The following PUM1 variants were observed in gnomAD, a reference collection of about 807,000 sequenced individuals.
The protein encoded by PUM1 is pumilio homolog 1.
In PUM1, 13 loss-of-function variants were observed where a neutral mutation model predicts 131.8. The observed-to-expected ratio is 0.10, with a 90% CI of 0.06 to 0.16. PUM1 has a LOEUF of 0.16. Among genes scored for constraint, PUM1 ranks in the 10% least tolerant of loss-of-function variants. The probability of loss-of-function intolerance (pLI) is 1.00; values close to 1 mark genes in which losing one functional copy is unlikely to be tolerated. For synonymous variants in PUM1, 509 were observed against 556.5 expected (o/e 0.91, Z 1.20); for missense variants, 961 against 1,512.4 (o/e 0.64, Z 6.05).
At position 31,006,024 on chromosome 1, in the gene PUM1, T is replaced by C; in HGVS notation, c.549A>G (p.Ser183=). ...RDSAWGTSDH[S]VSQPIMVQRR... is the part of the protein sequence containing the mutation. ...TCTGCACCATGATTGGCTGGGAAAC[T>C]GAATGATCTACAAAAAAGATACACA... Residue 183 remains serine, a synonymous_variant, in exon 5 of 22, where the codon TCA becomes TCG. Transcript: ENST00000426105. The C allele has an allele frequency of 6.3e-7, 1 of 1,599,860 alleles. No homozygotes were observed. The highest frequency in any genetic ancestry group is 8.5e-7 in the Non-Finnish European group (1 of 1,174,518).
chr1:31,005,817 G>C, intron 5 of PUM1, 36 bp downstream of exon 5: 6 of 1,494,974 alleles, frequency 4.0e-6, no homozygotes, highest in East Asian at 2.3e-5. Context: ...GAGAGAGAGA[G>C]AGAGAGATAG....
chr1:31,058,670 A>C (rs1172123769), intron 2 of PUM1, among the ~76,000 whole-genome samples: 1 of 134,982 alleles, frequency 7.4e-6, no homozygotes, highest in African/African-American at 3.0e-5. Flanking sequence ...TTAAAAAAAA[A>C]AAAAAATGCA....
intron 21 of PUM1, 86 bp from the exon 22 acceptor site, chr1:30,933,428 TCACACACACATA>T (rs1639040753): frequency 7.4e-6 from 7 of 950,652 alleles, no homozygotes; most frequent in African/African-American, 3.7e-5. Context: ...ATGTCATGCA[TCACACACACATA>T]CACACACACA....
At chr1:30,939,176 C>T (rs1304737183) in intron 20 of PUM1, among the ~76,000 whole-genome samples, 4 of 152,142 alleles carry the variant, frequency 2.6e-5, no homozygotes, top group South Asian at 2.1e-4. Context: ...ATAGACACTG[C>T]GAATAACAGG....
chr1:30,946,524 C>A (rs907895768), intron 17 of PUM1, among the ~76,000 whole-genome samples: 3 of 151,236 alleles, frequency 2.0e-5, no homozygotes, highest in Non-Finnish European at 2.9e-5. Context: ...GTAATCTCAG[C>A]TACTCGGGAG....
At chr1:31,038,501 A>G (rs1557598842) in intron 2 of PUM1, among the ~76,000 whole-genome samples, 1 of 152,128 alleles carries the variant, frequency 6.6e-6, no homozygotes, top group Admixed American at 6.5e-5. Context: ...TGCTATGGTG[A>G]TTTGTCTTAT....
At position 31,063,129 on chromosome 1, in the gene PUM1, A is replaced by G. The variant is rs573373445; in HGVS notation, c.-12+2487T>C. 3.9e-5 allele frequency among the ~76,000 whole-genome samples: 6 copies of G among 152,276 alleles called. No individual in the cohort carries two copies. The East Asian group carries it at 1.2e-3, about 29-fold the overall frequency. On this transcript the variant is annotated intron_variant, in intron 1 of 21. Coordinates refer to ENST00000426105, the MANE Select transcript of PUM1 (RefSeq NM_001020658.2). ...AATTCATTACTCTCTTAGTACTAATACTAGACAGTCCCATTCTGTTCTAAA... is the reference window on the plus strand; with the variant it reads ...AATTCATTACTCTCTTAGTACTAATGCTAGACAGTCCCATTCTGTTCTAAA...
intron 3 of PUM1, among the ~76,000 whole-genome samples, chr1:31,014,465 C>G (rs893162974): frequency 5.3e-5 from 8 of 151,046 alleles, no homozygotes; most frequent in Admixed American, 1.3e-4. Context: ...CATGCCAAGA[C>G]CCAATCTCTA....
chr1:31,034,843 A>ACTAAAAGAGAT (rs1643550704), intron 2 of PUM1, among the ~76,000 whole-genome samples: 1 of 152,160 alleles, frequency 6.6e-6, no homozygotes, highest in Admixed American at 6.5e-5. Context: ...GTTCCATTTC[A>ACTAAAAGAGAT]CTAAAAGAGA....
At chr1:30,964,977 T>C in intron 13 of PUM1, 67 bp from the exon 14 acceptor site, 1 of 1,336,162 alleles carries the variant, frequency 7.5e-7, no homozygotes, top group African/African-American at 1.4e-5. Flanking sequence ...CCCAGTGACC[T>C]GTTCCTAACA....
At position 30,995,038 on chromosome 1, in the gene PUM1, T is replaced by C. The variant is rs1641931717; in HGVS notation, c.887+16A>G. 9 of 1,607,194 alleles carry C rather than the reference T, an allele frequency of 5.6e-6. No individual in the cohort carries two copies. Among genetic ancestry groups the C allele is most frequent in the Non-Finnish European group, 7.6e-6 (9 of 1,176,614 alleles). ...ATAGCCCATATTCAAAAATCAGAAGTGTAAAACATACAAACCTAAAATCTT... is the reference window on the plus strand; with the variant it reads ...ATAGCCCATATTCAAAAATCAGAAGCGTAAAACATACAAACCTAAAATCTT... On this transcript the variant is annotated intron_variant, in intron 6 of 21. Transcript: ENST00000426105.
chr1:31,061,784 C>T (rs1377097570), intron 1 of PUM1: 1 of 151,988 alleles, frequency 6.6e-6, no homozygotes, highest in Non-Finnish European at 1.5e-5. Context: ...CATAGCAAGA[C>T]CTATCTCTAC....
chr1:31,041,986 A>T (rs912275680), intron 2 of PUM1, among the ~76,000 whole-genome samples: 18 of 152,128 alleles, frequency 1.2e-4, no homozygotes, highest in African/African-American at 4.1e-4. Flanking sequence ...AATTCTAGAT[A>T]CAGAAAGGAA....
Position 30,945,869 on chromosome 1 carries a change from T to G in PUM1, c.2857-386A>C, listed in dbSNP as rs537453432. On this transcript the variant is annotated intron_variant, in intron 17 of 21. Transcript: ENST00000426105. ...GGTACAATCTCAGCTCACTGCAACCTCCGCCTCCCAGGTTCAAGCAATTCT... is the reference window on the plus strand; with the variant it reads ...GGTACAATCTCAGCTCACTGCAACCGCCGCCTCCCAGGTTCAAGCAATTCT... Among the ~76,000 whole-genome samples, 15 of 152,298 alleles carry G rather than the reference T, an allele frequency of 9.8e-5. No homozygotes were observed. The East Asian group carries it at 2.1e-3, about 22-fold the overall frequency.
intron 3 of PUM1, among the ~76,000 whole-genome samples, chr1:31,010,315 C>T (rs985780548): frequency 5.3e-5 from 8 of 152,122 alleles, no homozygotes; most frequent in Admixed American, 1.3e-4. Context: ...GTACTCATAC[C>T]CTGAGTAATC....
chr1:31,049,817 A>T (rs1644063211), intron 2 of PUM1, among the ~76,000 whole-genome samples: 1 of 147,126 alleles, frequency 6.8e-6, no homozygotes. Context: ...CATCTGACTG[A>T]ACTTCCTTTT....
chr1:30,967,986 C>T (rs1033597869), intron 11 of PUM1, among the ~76,000 whole-genome samples: 5 of 152,142 alleles, frequency 3.3e-5, no homozygotes, highest in African/African-American at 1.2e-4. Flanking sequence ...TCAAGGTATA[C>T]CAGAAATTTC....
intron 2 of PUM1, among the ~76,000 whole-genome samples, chr1:31,032,261 G>A (rs1643456157): frequency 6.6e-6 from 1 of 151,980 alleles, no homozygotes; most frequent in South Asian, 2.1e-4. Context: ...ATTCTTCCTA[G>A]GAAACAAAAC....
At chr1:31,051,304 T>A (rs890131445) in intron 2 of PUM1, among the ~76,000 whole-genome samples, 11 of 127,438 alleles carry the variant, frequency 8.6e-5, no homozygotes, top group African/African-American at 1.5e-4. Context: ...TCCACTGAAT[T>A]TTTTTTTTTT....
Sources: gnomAD v4.1 joint callset for allele counts (sites outside exome capture counted in the v4.1 genomes callset) on GRCh38, gnomAD v4.1.1 for gene constraint, MANE v1.5 for transcripts, NCBI Gene and HGNC (gene_info 2026-07-23, HGNC 2026-07-21) for gene names.